Variants in SCLT1 observed in about 807,000 individuals in gnomAD.
SCLT1 encodes the protein sodium channel-associated protein 1.
SCLT1 carries 78 observed loss-of-function variants against 112.8 expected under a neutral mutation model. That is an observed-to-expected ratio of 0.69 (90% CI 0.58 to 0.83). The LOEUF (loss-of-function observed/expected upper bound fraction) is 0.83, where lower values mean the gene tolerates loss of function less well. Ranked by LOEUF, SCLT1 falls within the 40% of genes least tolerant of loss-of-function variation. The probability of loss-of-function intolerance (pLI) is 0.00; values close to 1 mark genes in which losing one functional copy is unlikely to be tolerated. For synonymous variants in SCLT1, 257 were observed against 254.7 expected (o/e 1.01, Z -0.09); for missense variants, 747 against 770.4 (o/e 0.97, Z 0.36).
At chr4:129,000,915 T>C (rs1041532871) in intron 6 of SCLT1, among the ~76,000 whole-genome samples, 15 of 151,674 alleles carry the variant, frequency 9.9e-5, no homozygotes, top group African/African-American at 3.6e-4. Flanking sequence ...TTCCTCGTGT[T>C]CCTAACACCA....
rs532890775 is a variant in SCLT1 at position 128,978,529 on chromosome 4, A to G, written c.687-8061T>C. On this transcript the variant is annotated intron_variant, in intron 9 of 20. Coordinates refer to ENST00000281142, the MANE Select transcript of SCLT1 (RefSeq NM_144643.4). The stretch of plus-strand genomic sequence containing the variant: ...GTCCTGGTAGAGAAATGTTTAAGAA[A>G]GGTAGAAAAAATCATCAGTTAAGGA... Among the ~76,000 whole-genome samples, 5 of 152,226 alleles carry G rather than the reference A, an allele frequency of 3.3e-5. No homozygotes were observed. The East Asian group carries it at 7.7e-4, about 24-fold the overall frequency.
intron 18 of SCLT1, among the ~76,000 whole-genome samples, chr4:128,891,844 C>A (rs1055278842): frequency 1.3e-5 from 2 of 152,128 alleles, no homozygotes; most frequent in South Asian, 2.1e-4. Flanking sequence ...GGGGTTTCAC[C>A]ATGTTGCCAA....
At chr4:129,090,003 A>C (rs1384892129) in intron 1 of SCLT1, among the ~76,000 whole-genome samples, 1 of 152,242 alleles carries the variant, frequency 6.6e-6, no homozygotes, top group East Asian at 1.9e-4. Context: ...CCCAGAACTT[A>C]AAGTATAATA....
At chr4:128,978,732 T>C (rs536171024) in intron 9 of SCLT1, among the ~76,000 whole-genome samples, 2 of 152,184 alleles carry the variant, frequency 1.3e-5, no homozygotes, top group African/African-American at 4.8e-5. Context: ...GAAGAAAGTA[T>C]CTGAGGAGTC....
At chr4:128,917,395 T>C (rs1189001712) in intron 18 of SCLT1, among the ~76,000 whole-genome samples, 3 of 152,364 alleles carry the variant, frequency 2.0e-5, no homozygotes, top group Middle Eastern at 3.4e-3. Flanking sequence ...TTAATTATTA[T>C]GTATTATTTA....
At chr4:128,908,014 T>C (rs1734811341) in intron 18 of SCLT1, among the ~76,000 whole-genome samples, 1 of 152,230 alleles carries the variant, frequency 6.6e-6, no homozygotes, top group African/African-American at 2.4e-5. Context: ...CAGTCTGTTA[T>C]GATTGAGGCA....
intron 8 of SCLT1, among the ~76,000 whole-genome samples, chr4:128,992,680 C>T (rs928648343): frequency 2.6e-5 from 4 of 151,996 alleles, no homozygotes; most frequent in Non-Finnish European, 5.9e-5. Context: ...TAGTTACTCA[C>T]AGTGTTAACT....
chr4:128,942,410 C>A (rs545370503), intron 17 of SCLT1, among the ~76,000 whole-genome samples: 1 of 152,074 alleles, frequency 6.6e-6, no homozygotes, highest in South Asian at 2.1e-4. Context: ...GAAAGGTAAG[C>A]AAGATGTTGA....
At chr4:128,949,442 A>T (rs959158151) in intron 14 of SCLT1, among the ~76,000 whole-genome samples, 1 of 151,856 alleles carries the variant, frequency 6.6e-6, no homozygotes, top group African/African-American at 2.4e-5. Context: ...GGTTTGTTAC[A>T]TATGTATACG....
rs1255902506 is a variant in SCLT1, at chr4:128,888,509, C to T, written c.2004+170G>A. Among the ~76,000 whole-genome samples the T allele has an allele frequency of 5.3e-5, 8 of 152,178 alleles. No homozygotes were observed. In the East Asian group the frequency reaches 9.6e-4, roughly 18 times the overall value. ...CTGGCATTACAGTTGCGAGCCACCA[C>T]GCATAGCTTATTTTTGTTTCCAATG... On this transcript the variant is annotated intron_variant, in intron 20 of 20. Coordinates refer to ENST00000281142, the MANE Select transcript of SCLT1 (RefSeq NM_144643.4).
At chr4:128,952,670 T>C (rs1449040999) in intron 14 of SCLT1, 99 bp downstream of exon 14, 3 of 789,584 alleles carry the variant, frequency 3.8e-6, no homozygotes, top group Non-Finnish European at 6.6e-6. Context: ...GGGCTTGGTT[T>C]AATAAGTATC....
intron 18 of SCLT1, among the ~76,000 whole-genome samples, chr4:128,896,613 G>C (rs573628296): frequency 3.3e-5 from 5 of 152,310 alleles, no homozygotes; most frequent in African/African-American, 9.6e-5. Flanking sequence ...AAAAATCAGA[G>C]TGCCTCTTCT....
chr4:129,021,337 C>G (rs577161787), intron 5 of SCLT1, among the ~76,000 whole-genome samples: 1 of 152,282 alleles, frequency 6.6e-6, no homozygotes, highest in East Asian at 1.9e-4. Context: ...GAGAGTGAGA[C>G]AGAACCGTTT....
chr4:129,092,840 T>C lies in SCLT1; in HGVS notation c.34+230A>G, dbSNP rs181677870. On this transcript the variant is annotated intron_variant, in intron 1 of 20. Transcript: ENST00000281142. ...GAGCACGAGAGGAGCATAACAAACA[T>C]GTTTAGCGTCTAGTAGAATTCTGTG... Among the ~76,000 whole-genome samples, 5 of 152,338 alleles carry C rather than the reference T, an allele frequency of 3.3e-5. No individual in the cohort carries two copies. The East Asian group carries it at 7.7e-4, about 24-fold the overall frequency.
At chr4:129,087,094 A>C (rs898461745) in intron 1 of SCLT1, among the ~76,000 whole-genome samples, 1 of 152,134 alleles carries the variant, frequency 6.6e-6, no homozygotes, top group Non-Finnish European at 1.5e-5. Context: ...GAGGAAATGC[A>C]AGTGGAGACC....
chr4:128,970,409 G>T lies in SCLT1; in HGVS notation c.746C>A (p.Thr249Asn), dbSNP rs367568359. Reference sequence around the variant, plus strand: ...TTTCATCTGTCCCTGCAGATCTTCAGTCACATTAGTTAACTCTTCCACTTT... The same window carrying T: ...TTTCATCTGTCCCTGCAGATCTTCATTCACATTAGTTAACTCTTCCACTTT... ...VAKVEELTNV[T>N]EDLQGQMKKK... is the part of the protein sequence containing the mutation. Residue 249 changes from threonine (T) to asparagine (N), a missense_variant, in exon 10 of 21, where the codon ACT becomes AAT. Physicochemically the swap from Thr to Asn is moderately conservative, Grantham distance 65. This residue lies in a region of SCLT1 where 723 missense variants were observed against 721.3 expected (regional missense o/e 1.00). Coordinates refer to ENST00000281142, the MANE Select transcript of SCLT1 (RefSeq NM_144643.4). 1.6e-5 allele frequency: 26 copies of T among 1,606,462 alleles called. No individual in the cohort carries two copies. Among genetic ancestry groups the T allele is most frequent in the Non-Finnish European group, 2.0e-5 (24 of 1,173,838 alleles).
rs183821324 is a variant in SCLT1 at position 128,968,789 on chromosome 4, G to A, written c.777+1589C>T. 5.7e-3 allele frequency among the ~76,000 whole-genome samples: 875 copies of A among 152,282 alleles called. 7 individuals are homozygous for A. Among genetic ancestry groups the A allele is most frequent in the Middle Eastern group, 0.034 (10 of 294 alleles). On this transcript the variant is annotated intron_variant, in intron 10 of 20. Transcript: ENST00000281142. ...AAATCTGTTCCACATACAGTAGGTA[G>A]CAGCTGATATCTGTAATTAGTTCTT...
At chr4:129,038,967 C>T (rs928655264) in intron 5 of SCLT1, 74 bp downstream of exon 5, 2 of 914,186 alleles carry the variant, frequency 2.2e-6, no homozygotes, top group Non-Finnish European at 3.5e-6. Flanking sequence ...CTATAGCTAT[C>T]AAATATCAAA....
intron 5 of SCLT1, among the ~76,000 whole-genome samples, chr4:129,022,233 T>C (rs1221386704): frequency 6.6e-6 from 1 of 152,176 alleles, no homozygotes; most frequent in Non-Finnish European, 1.5e-5. Flanking sequence ...AGAATGCCTC[T>C]TCTGCTCCAA....
Sources: allele counts gnomAD v4.1 joint callset (sites outside exome capture counted in the v4.1 genomes callset), GRCh38; gene constraint gnomAD v4.1.1; regional missense constraint gnomAD v4.1.1; transcripts MANE v1.5; gene names NCBI Gene and HGNC (gene_info 2026-07-23, HGNC 2026-07-21).